The following RIMKLB variants were observed in gnomAD, a reference collection of about 807,000 sequenced individuals.
RIMKLB encodes the protein beta-citrylglutamate synthase B.
A neutral mutation model predicts 32.0 loss-of-function variants in RIMKLB; 7 were observed. That is an observed-to-expected ratio of 0.22 (90% CI 0.12 to 0.41). The LOEUF (loss-of-function observed/expected upper bound fraction) is 0.41. Among genes scored for constraint, RIMKLB ranks in the 10% least tolerant of loss-of-function variants. The pLI, the probability that RIMKLB is intolerant of heterozygous loss-of-function variation, is 1.00. For missense variants in RIMKLB, 289 were observed against 498.7 expected (o/e 0.58, Z 4.00); for synonymous variants, 172 against 185.1 (o/e 0.93, Z 0.57).
chr12:8,736,684 T>C (rs1947039028), intron 2 of RIMKLB, among the ~76,000 whole-genome samples: 1 of 151,970 alleles, frequency 6.6e-6, no homozygotes, highest in South Asian at 2.1e-4. Context: ...GGTATTTCAT[T>C]ATGTTATCCA....
At chr12:8,756,380 C>T (rs1420744630) in intron 5 of RIMKLB, among the ~76,000 whole-genome samples, 1 of 152,104 alleles carries the variant, frequency 6.6e-6, no homozygotes. Context: ...GCCCTGGCTA[C>T]CAGGCCCCAG....
intron 2 of RIMKLB, among the ~76,000 whole-genome samples, chr12:8,735,482 A>G (rs1946916763): frequency 6.6e-6 from 1 of 152,146 alleles, no homozygotes; most frequent in African/African-American, 2.4e-5. Flanking sequence ...TGCCAGCCTC[A>G]GCCTCCCAAA....
Position 8,752,024 on chromosome 12 carries a change from G to A in RIMKLB, c.474G>A (p.Lys158=). Residue 158 remains lysine, a synonymous_variant, in exon 4 of 6, where the codon AAG becomes AAA. Coordinates refer to ENST00000535829, the MANE Select transcript of RIMKLB (RefSeq NM_001297776.2). ...AEVLEFPMVV[K]NTRGHRGKAV... ...TTCTGGAGTTCCCAATGGTAGTAAA[G>A]AATACGCGGGGTCACAGAGGTATGT... is the stretch of plus-strand genomic sequence containing the variant. 1.2e-6 allele frequency: 2 copies of A among 1,611,532 alleles called. No individual in the cohort carries two copies. Among genetic ancestry groups the A allele is most frequent in the Non-Finnish European group, 1.7e-6 (2 of 1,177,834 alleles).
In RIMKLB at chr12:8,699,011, T is replaced by C. The variant is rs11046850; in HGVS notation, c.-57+714T>C. On this transcript the variant is annotated intron_variant, in intron 1 of 5. Coordinates refer to ENST00000535829, the MANE Select transcript of RIMKLB (RefSeq NM_001297776.2). ...AATAATTTCAATCTCCCCTTATTAA[T>C]ATGTCCTTATCTCTGATCACACATT... 9.2e-5 allele frequency among the ~76,000 whole-genome samples: 14 copies of C among 152,102 alleles called. No homozygotes were observed. In the East Asian group the frequency reaches 2.5e-3, roughly 27 times the overall value.
intron 1 of RIMKLB, among the ~76,000 whole-genome samples, chr12:8,709,149 C>T (rs1944153037): frequency 6.6e-6 from 1 of 152,268 alleles, no homozygotes; most frequent in Admixed American, 6.5e-5. Flanking sequence ...AAGTTTACTC[C>T]TTTAAACTAC....
chr12:8,781,005 T>C (rs776104143), downstream of RIMKLB, among the ~76,000 whole-genome samples: 1 of 152,236 alleles, frequency 6.6e-6, no homozygotes, highest in Non-Finnish European at 1.5e-5. Context: ...GTTTTTAATT[T>C]GCAAGATAAA....
At chr12:8,770,203 T>C (rs182059263) in intron 5 of RIMKLB, among the ~76,000 whole-genome samples, 9 of 152,340 alleles carry the variant, frequency 5.9e-5, no homozygotes, top group Non-Finnish European at 1.2e-4. Context: ...CCTCAGGTGA[T>C]CTGTTCGCCT....
chr12:8,773,118 G>A (rs1457600907), intron 5 of RIMKLB, among the ~76,000 whole-genome samples: 4 of 152,080 alleles, frequency 2.6e-5, no homozygotes, highest in Non-Finnish European at 5.9e-5. Context: ...GACAACTTAC[G>A]AAATCATCAA....
At chr12:8,749,791 C>A in intron 2 of RIMKLB, 71 bp from the exon 3 acceptor site, 1 of 940,792 alleles carries the variant, frequency 1.1e-6, no homozygotes, top group East Asian at 2.6e-5. Context: ...CAAACTTTGG[C>A]GTATTACTAT....
chr12:8,691,229 A>C (rs1049765152), intron 1 of RIMKLB, among the ~76,000 whole-genome samples: 1 of 152,110 alleles, frequency 6.6e-6, no homozygotes, highest in Non-Finnish European at 1.5e-5. Flanking sequence ...GGGCTCAAGC[A>C]ATCCTCCTGC....
At chr12:8,714,217 T>G in intron 2 of RIMKLB, 176 bp downstream of exon 2, 1 of 543,092 alleles carries the variant, frequency 1.8e-6, no homozygotes, top group Non-Finnish European at 3.2e-6. Context: ...TTATTAACTT[T>G]ATTAGGAAAC....
intron 1 of RIMKLB, among the ~76,000 whole-genome samples, chr12:8,701,962 T>C (rs12304092): frequency 0.076 from 11,508 of 151,450 alleles, 1,453 homozygotes; most frequent in African/African-American, 0.26. Flanking sequence ...GCTTAGACTG[T>C]ACCACTGCAC....
At chr12:8,701,077 AAAG>A (rs1162649468) in intron 1 of RIMKLB, among the ~76,000 whole-genome samples, 1 of 152,154 alleles carries the variant, frequency 6.6e-6, no homozygotes, top group Admixed American at 6.5e-5. Flanking sequence ...AAAAAAGAAA[AAAG>A]AAACTGTAAT....
At chr12:8,781,556 G>T (rs745506369), downstream of RIMKLB, among the ~76,000 whole-genome samples, 1 of 152,188 alleles carries the variant, frequency 6.6e-6, no homozygotes, top group East Asian at 1.9e-4. Flanking sequence ...TGCTTATCTG[G>T]CTGGGCTTTT....
At chr12:8,763,054 C>T (rs901445777) in intron 5 of RIMKLB, among the ~76,000 whole-genome samples, 3 of 152,204 alleles carry the variant, frequency 2.0e-5, no homozygotes, top group African/African-American at 7.2e-5. Context: ...AGCCACAAGT[C>T]TCTTTTAGCA....
At chr12:8,727,005 T>C (rs1591764678) in intron 2 of RIMKLB, among the ~76,000 whole-genome samples, 1 of 152,374 alleles carries the variant, frequency 6.6e-6, no homozygotes, top group South Asian at 2.1e-4. Context: ...GGGTTTGCAA[T>C]ATACATTTAC....
At chr12:8,747,024 G>A (rs953526169) in intron 2 of RIMKLB, among the ~76,000 whole-genome samples, 2 of 151,960 alleles carry the variant, frequency 1.3e-5, no homozygotes, top group African/African-American at 4.8e-5. Flanking sequence ...TACAGAGTAA[G>A]CCACCAGGCC....
downstream of RIMKLB, among the ~76,000 whole-genome samples, chr12:8,778,055 G>A (rs1036268256): frequency 6.6e-6 from 1 of 152,108 alleles, no homozygotes; most frequent in Non-Finnish European, 1.5e-5. Flanking sequence ...TTGCATATAT[G>A]TCTATAATTA....
downstream of RIMKLB, chr12:8,777,440 A>T (rs545858966): frequency 1.6e-4 from 175 of 1,085,104 alleles, no homozygotes; most frequent in Non-Finnish European, 1.9e-4. Context: ...CCATTTTGCC[A>T]TGCTGTTTTG....
Sources: allele counts gnomAD v4.1 joint callset (sites outside exome capture counted in the v4.1 genomes callset), GRCh38; gene constraint gnomAD v4.1.1; transcripts MANE v1.5; gene names NCBI Gene and HGNC (gene_info 2026-07-23, HGNC 2026-07-21).